GBF1: variants seen among roughly 807,000 people sequenced by gnomAD.
GBF1 encodes Golgi-specific brefeldin A-resistance guanine nucleotide exchange factor 1.
GBF1 carries 114 observed loss-of-function variants against 210.5 expected under a neutral mutation model. The ratio of observed to expected loss-of-function variants is 0.54; its 90% CI spans 0.47 to 0.63. GBF1 has a LOEUF of 0.63. Among genes scored for constraint, GBF1 ranks in the 30% least tolerant of loss-of-function variants. GBF1 has a pLI of 0.00. For synonymous variants in GBF1, 850 were observed against 889.2 expected (o/e 0.96, Z 0.78); for missense variants, 1,851 against 2,357.7 (o/e 0.79, Z 4.45).
intron 3 of GBF1, among the ~76,000 whole-genome samples, chr10:102,264,867 C>G (rs1321607794): frequency 6.6e-6 from 1 of 152,186 alleles, no homozygotes; most frequent in Admixed American, 6.5e-5. Context: ...GGTGTCCTGG[C>G]CTTAGGGGCA....
intron 3 of GBF1, among the ~76,000 whole-genome samples, chr10:102,296,752 AAAG>A (rs1054128556): frequency 1.3e-5 from 2 of 151,796 alleles, no homozygotes; most frequent in African/African-American, 4.8e-5. Context: ...AAAAAAAAAA[AAAG>A]AATTGTAGGC....
chr10:102,349,562 T>TAAC (rs550867182), intron 4 of GBF1, among the ~76,000 whole-genome samples: 7 of 151,936 alleles, frequency 4.6e-5, no homozygotes, highest in Non-Finnish European at 8.8e-5. Context: ...AGAGAAAAAA[T>TAAC]AACAACAATC....
chr10:102,270,389 C>T (rs566492668), intron 3 of GBF1, among the ~76,000 whole-genome samples: 1 of 152,198 alleles, frequency 6.6e-6, no homozygotes, highest in South Asian at 2.1e-4. Flanking sequence ...AGGTTGGTCT[C>T]GAACTCCCTC....
intron 29 of GBF1, among the ~76,000 whole-genome samples, chr10:102,372,220 AAAAG>A (rs2060251825): frequency 6.6e-6 from 1 of 150,622 alleles, no homozygotes; most frequent in Non-Finnish European, 1.5e-5. Context: ...CAAAAAAAAA[AAAAG>A]ACTTACTCTC....
At chr10:102,304,419 A>G (rs1589564624) in intron 3 of GBF1, among the ~76,000 whole-genome samples, 2 of 152,296 alleles carry the variant, frequency 1.3e-5, no homozygotes, top group South Asian at 4.1e-4. Flanking sequence ...TGGAGTGGTA[A>G]AATAAAATAC....
intron 3 of GBF1, among the ~76,000 whole-genome samples, chr10:102,300,109 A>G (rs2077217561): frequency 6.6e-6 from 1 of 152,172 alleles, no homozygotes; most frequent in African/African-American, 2.4e-5. Flanking sequence ...GTATTTCTGG[A>G]GTATCTTGCA....
intron 3 of GBF1, among the ~76,000 whole-genome samples, chr10:102,330,277 C>T (rs1191273889): frequency 2.6e-5 from 4 of 152,166 alleles, no homozygotes; most frequent in African/African-American, 9.7e-5. Context: ...GGGTAAGTCA[C>T]TTAACCTCTT....
chr10:102,381,579 T>C (rs2060849414), intron 39 of GBF1, among the ~76,000 whole-genome samples: 1 of 151,838 alleles, frequency 6.6e-6, no homozygotes, highest in Admixed American at 6.6e-5. Context: ...TCCCAGCACT[T>C]TGGGAGGCTG....
At chr10:102,346,094 T>A (rs1204781927) in intron 4 of GBF1, among the ~76,000 whole-genome samples, 7 of 152,316 alleles carry the variant, frequency 4.6e-5, no homozygotes, top group Middle Eastern at 3.4e-3. Flanking sequence ...ATTTTTTTAA[T>A]TTTTATTTTT....
At chr10:102,342,628 G>A (rs1345025494) in intron 3 of GBF1, among the ~76,000 whole-genome samples, 1 of 152,034 alleles carries the variant, frequency 6.6e-6, no homozygotes. Flanking sequence ...AGGAGTGGGG[G>A]TGGTAGGAAC....
chr10:102,259,773 T>C (rs1226173933), intron 2 of GBF1, among the ~76,000 whole-genome samples: 1 of 152,180 alleles, frequency 6.6e-6, no homozygotes, highest in African/African-American at 2.4e-5. Context: ...ATAATACACA[T>C]ATAAAGGACC....
At chr10:102,237,393 AG>A in the GBF1 span, among the ~76,000 whole-genome samples, 2 of 152,184 alleles carry the variant, frequency 1.3e-5, no homozygotes, top group African/African-American at 4.8e-5. Context: ...CTGGGAGGGC[AG>A]TGGTGAGCCT....
chr10:102,377,112 A>G lies in GBF1; in HGVS notation c.4466A>G (p.His1489Arg). 1.2e-6 allele frequency: 2 copies of G among 1,614,070 alleles called. No homozygotes were observed. The highest frequency in any genetic ancestry group is 1.1e-5 in the South Asian group (1 of 91,086). The change falls in exon 33 of 40, where the codon CAT (histidine) becomes CGT (arginine). Residue 1489 changes from histidine to arginine, a missense_variant. By Grantham distance (29) the His-to-Arg change is conservative. This residue lies in a region of GBF1 where 967 missense variants were observed against 1,247.7 expected (regional missense o/e 0.78). Transcript: ENST00000369983. ...DEDEGVPASY[H>R]TVSLQVSQDL... ...GACGAAGGCGTGCCTGCCAGCTACC[A>G]TACGGTGTCTTTACAGGTCAGTCAG...
At chr10:102,231,823 G>A in the GBF1 span, 3 of 1,590,142 alleles carry the variant, frequency 1.9e-6, no homozygotes, top group South Asian at 1.1e-5. Flanking sequence ...GTCACAGAGC[G>A]CCCAAGCCAG....
rs752167708 is a variant in GBF1 at position 102,376,464 on chromosome 10, C to T, written c.4047+32C>T. On this transcript the variant is annotated intron_variant, in intron 31 of 39. Coordinates refer to ENST00000369983, the MANE Select transcript of GBF1 (RefSeq NM_001377137.1). ...GACAATATGGGCAGCAATTGAGTCT[C>T]TCCTGCTTGACCTGTGGGAAGAATT... The T allele has an allele frequency of 4.6e-5, 75 of 1,613,138 alleles. 1 individual carries two copies. The Admixed American group carries it at 1.2e-3, about 27-fold the overall frequency.
chr10:102,322,767 T>G (rs2056530502), intron 3 of GBF1, among the ~76,000 whole-genome samples: 1 of 150,130 alleles, frequency 6.7e-6, no homozygotes, highest in Non-Finnish European at 1.5e-5. Context: ...GTGGTGCATG[T>G]CTGTAGTCCC....
Position 102,368,775 on chromosome 10 carries a change from C to T in GBF1, c.2916C>T (p.Ser972=), listed in dbSNP as rs369440584. The T allele has an allele frequency of 8.1e-6, 13 of 1,613,230 alleles. No individual in the cohort carries two copies. The African/African-American group carries it at 9.3e-5, about 12-fold the overall frequency. ...CAMISAHYGL[S]DVFDNLIISL... ...TGATCTCCGCCCACTATGGCCTCAG[C>T]GATGTGTTTGACAATCTCATCATCT... is the stretch of plus-strand genomic sequence containing the variant. The change falls in exon 23 of 40, where the codon AGC becomes AGT. Residue 972 remains serine, a synonymous_variant. Coordinates refer to ENST00000369983, the MANE Select transcript of GBF1 (RefSeq NM_001377137.1).
Position 102,359,253 on chromosome 10 carries a change from G to T in GBF1, c.1012-14G>T, listed in dbSNP as rs2059457142. On this transcript the variant is annotated splice_polypyrimidine_tract_variant and intron_variant, in intron 10 of 39. Transcript: ENST00000369983. ...CTCATCCCTCTTCCCATATCTCCCTGCTACTGGTCATAGCAGGAAGGGACC... is the reference window on the plus strand; with the variant it reads ...CTCATCCCTCTTCCCATATCTCCCTTCTACTGGTCATAGCAGGAAGGGACC... The T allele has an allele frequency of 1.3e-6, 2 of 1,595,738 alleles. No individual in the cohort carries two copies. Among genetic ancestry groups the T allele is most frequent in the Non-Finnish European group, 1.7e-6 (2 of 1,163,442 alleles).
chr10:102,378,907 C>G (rs1209020204), intron 33 of GBF1, among the ~76,000 whole-genome samples: 1 of 152,224 alleles, frequency 6.6e-6, no homozygotes, highest in African/African-American at 2.4e-5. Context: ...GCACTCCAGC[C>G]TGGGTGACAG....
Sources: allele counts gnomAD v4.1 joint callset (sites outside exome capture counted in the v4.1 genomes callset), GRCh38; gene constraint gnomAD v4.1.1; regional missense constraint gnomAD v4.1.1; transcripts MANE v1.5; gene names NCBI Gene and HGNC (gene_info 2026-07-23, HGNC 2026-07-21).